The following SCN8A variants were observed in gnomAD, a reference collection of about 807,000 sequenced individuals.
SCN8A encodes the protein sodium channel protein type 8 subunit alpha.
A neutral mutation model predicts 184.1 loss-of-function variants in SCN8A; 30 were observed. The observed-to-expected ratio is 0.16, with a 90% CI of 0.12 to 0.22. SCN8A has a LOEUF of 0.22. Ranked by LOEUF, SCN8A falls within the 10% of genes least tolerant of loss-of-function variation. The probability of loss-of-function intolerance (pLI) is 1.00; values close to 1 mark genes in which losing one functional copy is unlikely to be tolerated. For missense variants in SCN8A, 1,057 were observed against 2,498.9 expected (o/e 0.42, Z 12.30); for synonymous variants, 852 against 907.0 (o/e 0.94, Z 1.09).
chr12:51,606,802 T>C (rs769569895), intron 1 of SCN8A, among the ~76,000 whole-genome samples: 8 of 151,628 alleles, frequency 5.3e-5, no homozygotes, highest in Non-Finnish European at 8.8e-5. Context: ...GTCTTTTGAC[T>C]CCTTGGTTAG....
chr12:51,636,295 C>T (rs1341454927), intron 1 of SCN8A, among the ~76,000 whole-genome samples: 3 of 152,152 alleles, frequency 2.0e-5, no homozygotes, highest in Admixed American at 1.3e-4. Flanking sequence ...AGCGCCTGGC[C>T]GAGTATTTGT....
At chr12:51,777,924 T>C (rs1374612774) in intron 20 of SCN8A, among the ~76,000 whole-genome samples, 2 of 152,228 alleles carry the variant, frequency 1.3e-5, no homozygotes, top group Non-Finnish European at 2.9e-5. Flanking sequence ...GATATACTTA[T>C]TAAGGCCTCA....
intron 16 of SCN8A, 66 bp downstream of exon 16, chr12:51,766,093 C>T: frequency 1.6e-6 from 2 of 1,280,316 alleles, no homozygotes; most frequent in Non-Finnish European, 2.3e-6. Context: ...CCCAGAAGCC[C>T]AAGTCCTTCT....
intron 19 of SCN8A, among the ~76,000 whole-genome samples, chr12:51,773,056 G>T (rs1025564705): frequency 2.2e-4 from 33 of 152,000 alleles, no homozygotes; most frequent in Non-Finnish European, 4.0e-4. Context: ...GGTGGAGGTT[G>T]CAGTGAGCTG....
At chr12:51,713,634 C>T (rs1301764406) in intron 11 of SCN8A, 8 of 608,616 alleles carry the variant, frequency 1.3e-5, no homozygotes, top group Non-Finnish European at 2.3e-5. Flanking sequence ...CTTGAGACAT[C>T]TCCTGCTCAC....
chr12:51,683,444 G>A (rs1941368377), intron 2 of SCN8A, among the ~76,000 whole-genome samples: 1 of 152,140 alleles, frequency 6.6e-6, no homozygotes, highest in Admixed American at 6.5e-5. Flanking sequence ...GATATTGGGG[G>A]CTCTTGAAAG....
At chr12:51,693,191 A>G (rs530870819) in intron 6 of SCN8A, among the ~76,000 whole-genome samples, 1 of 152,338 alleles carries the variant, frequency 6.6e-6, no homozygotes, top group Non-Finnish European at 1.5e-5. Context: ...GATGGGAGAT[A>G]TAAACGGTTT....
chr12:51,702,496 A>G (rs769752582), intron 8 of SCN8A, among the ~76,000 whole-genome samples: 1 of 152,194 alleles, frequency 6.6e-6, no homozygotes, highest in African/African-American at 2.4e-5. Context: ...CATAGATCCC[A>G]TATCCAGAAC....
chr12:51,798,375 AC>A (rs1938465789), intron 26 of SCN8A, among the ~76,000 whole-genome samples: 1 of 152,164 alleles, frequency 6.6e-6, no homozygotes. Flanking sequence ...GGATAAGCAA[AC>A]CCATATCCAG....
Position 51,770,005 on chromosome 12 carries a change from G to A in SCN8A, c.3490+20G>A, listed in dbSNP as rs303808. On this transcript the variant is annotated intron_variant, in intron 18 of 26. Coordinates refer to ENST00000627620, the MANE Select transcript of SCN8A (RefSeq NM_001330260.2). Reference sequence around the variant, plus strand: ...CAGAAGGTGAAAGGGGATGAGGAGCGGATGGGCTGGGGACACTCGTGTTGC... The same window carrying A: ...CAGAAGGTGAAAGGGGATGAGGAGCAGATGGGCTGGGGACACTCGTGTTGC... 1,242,833 of 1,513,632 alleles carry A rather than the reference G, an allele frequency of 0.82. 516,757 individuals carry two copies. Among genetic ancestry groups the A allele is most frequent in the East Asian group, 0.9 (37,997 of 42,146 alleles). 93.8% of individuals were successfully genotyped at this position (1,513,632 alleles called of 1,614,324 possible).
In SCN8A at chr12:51,644,628, C is replaced by T. The variant is rs373139308; in HGVS notation, c.-54-18136C>T. Among the ~76,000 whole-genome samples, 26 of 152,220 alleles carry T rather than the reference C, an allele frequency of 1.7e-4. No homozygotes were observed. In the East Asian group the frequency reaches 3.3e-3, roughly 19 times the overall value. ...AGCCTGCCTTGGCCTCCCAAAGTGC[C>T]GAGATTGCAGCCTCTGCCCGGCCGC... On this transcript the variant is annotated intron_variant, in intron 1 of 26. Transcript: ENST00000627620.
intron 1 of SCN8A, among the ~76,000 whole-genome samples, chr12:51,595,132 T>C (rs1469371762): frequency 6.6e-6 from 1 of 152,194 alleles, no homozygotes; most frequent in Non-Finnish European, 1.5e-5. Context: ...GGCACTGAAC[T>C]GAACACTAGT....
At chr12:51,791,360 A>C (rs1259411898) in intron 25 of SCN8A, among the ~76,000 whole-genome samples, 1 of 152,208 alleles carries the variant, frequency 6.6e-6, no homozygotes, top group East Asian at 1.9e-4. Context: ...CACGTGGTAC[A>C]TCTACCGCAT....
At chr12:51,728,486 C>T (rs372594872) in intron 12 of SCN8A, among the ~76,000 whole-genome samples, 24 of 152,238 alleles carry the variant, frequency 1.6e-4, no homozygotes, top group East Asian at 1.2e-3. Context: ...GTAATCCCAA[C>T]GCTTTGGGAG....
chr12:51,779,130 G>A (rs1222875993), intron 20 of SCN8A, among the ~76,000 whole-genome samples: 1 of 149,818 alleles, frequency 6.7e-6, no homozygotes, highest in African/African-American at 2.5e-5. Context: ...AAGGCAGGGA[G>A]AATTGCTTGA....
At chr12:51,682,508 A>G (rs1316516534) in intron 2 of SCN8A, among the ~76,000 whole-genome samples, 1 of 152,160 alleles carries the variant, frequency 6.6e-6, no homozygotes, top group African/African-American at 2.4e-5. Context: ...TGTGAGAGAG[A>G]GACTTTTTAA....
intron 1 of SCN8A, among the ~76,000 whole-genome samples, chr12:51,621,184 G>A (rs12424271): frequency 0.24 from 35,843 of 152,062 alleles, 5,744 homozygotes; most frequent in African/African-American, 0.44. Context: ...TATTACTTAG[G>A]TGCTATATCG....
At chr12:51,598,307 A>G (rs1462952790) in intron 1 of SCN8A, among the ~76,000 whole-genome samples, 1 of 152,140 alleles carries the variant, frequency 6.6e-6, no homozygotes, top group Non-Finnish European at 1.5e-5. Flanking sequence ...CCCCTCCAAC[A>G]ATTCCTTTGG....
At chr12:51,803,661 C>T (rs1005341290) in intron 26 of SCN8A, among the ~76,000 whole-genome samples, 1 of 152,128 alleles carries the variant, frequency 6.6e-6, no homozygotes, top group Non-Finnish European at 1.5e-5. Context: ...TCTCTGAAGC[C>T]CTACTTGCCC....
Sources: allele counts gnomAD v4.1 joint callset (sites outside exome capture counted in the v4.1 genomes callset), GRCh38; gene constraint gnomAD v4.1.1; transcripts MANE v1.5; gene names NCBI Gene and HGNC (gene_info 2026-07-23, HGNC 2026-07-21).